The following SIPA1L3 variants were observed in gnomAD, a reference collection of about 807,000 sequenced individuals.
SIPA1L3 encodes the protein signal induced proliferation associated 1 like 3.
SIPA1L3 carries 59 observed loss-of-function variants against 150.1 expected under a neutral mutation model. That is an observed-to-expected ratio of 0.39 (90% CI 0.32 to 0.49). The LOEUF (loss-of-function observed/expected upper bound fraction) is 0.49, where lower values mean the gene tolerates loss of function less well. Ranked by LOEUF, SIPA1L3 falls within the 20% of genes least tolerant of loss-of-function variation. SIPA1L3 has a pLI of 0.86. For synonymous variants in SIPA1L3, 1,070 were observed against 1,077.6 expected (o/e 0.99, Z 0.14); for missense variants, 2,211 against 2,489.5 (o/e 0.89, Z 2.38).
At chr19:38,092,852 ATTTT>A (rs56232582) in intron 4 of SIPA1L3, among the ~76,000 whole-genome samples, 3 of 115,946 alleles carry the variant, frequency 2.6e-5, no homozygotes, top group Admixed American at 2.0e-4. Context: ...AGGTGCTTAG[ATTTT>A]TTTTTTTTTT....
At chr19:37,989,613 G>A (rs1896189482) in intron 1 of SIPA1L3, among the ~76,000 whole-genome samples, 1 of 151,126 alleles carries the variant, frequency 6.6e-6, no homozygotes, top group African/African-American at 2.4e-5. Context: ...GTCTCCCTCT[G>A]AATAGGGAAA....
At chr19:38,139,340 G>T (rs549115383) in intron 10 of SIPA1L3, among the ~76,000 whole-genome samples, 1 of 152,288 alleles carries the variant, frequency 6.6e-6, no homozygotes, top group African/African-American at 2.4e-5. Context: ...AATACCTGGA[G>T]CCAGGAAGTG....
chr19:38,136,018 C>T (rs1971426722), intron 10 of SIPA1L3, among the ~76,000 whole-genome samples: 1 of 151,762 alleles, frequency 6.6e-6, no homozygotes, highest in Non-Finnish European at 1.5e-5. Flanking sequence ...CTCCTACCCC[C>T]AGGCCACAAG....
intron 2 of SIPA1L3, among the ~76,000 whole-genome samples, chr19:38,072,593 G>A (rs571494486): frequency 3.7e-4 from 56 of 152,228 alleles, no homozygotes; most frequent in Non-Finnish European, 7.2e-4. Flanking sequence ...AGGGAAAAGC[G>A]CAGCCTTCAG....
chr19:37,983,963 C>T (rs1472171183), intron 1 of SIPA1L3, among the ~76,000 whole-genome samples: 1 of 151,750 alleles, frequency 6.6e-6, no homozygotes, highest in Non-Finnish European at 1.5e-5. Flanking sequence ...TAACTGTAAC[C>T]CTGATCAGTA....
chr19:37,981,294 C>T lies in SIPA1L3; in HGVS notation c.-378-47795C>T, dbSNP rs1422322337. 2.0e-5 allele frequency among the ~76,000 whole-genome samples: 3 copies of T among 152,064 alleles called. No homozygotes were observed. In the East Asian group the frequency reaches 5.8e-4, roughly 29 times the overall value. On this transcript the variant is annotated intron_variant, in intron 1 of 21. Transcript: ENST00000222345. ...ACAAAAAATGAGCCAGGTGGTGGCACGTGACTGTAGTCTCAGCTACTCAGG... is the reference window on the plus strand; with the variant it reads ...ACAAAAAATGAGCCAGGTGGTGGCATGTGACTGTAGTCTCAGCTACTCAGG...
chr19:37,962,530 A>G (rs2145576185), intron 1 of SIPA1L3, among the ~76,000 whole-genome samples: 1 of 135,354 alleles, frequency 7.4e-6, no homozygotes, highest in Non-Finnish European at 1.5e-5. Context: ...GTGCAGTGGC[A>G]GGATCATGGC....
chr19:38,031,858 G>A (rs576623033), intron 2 of SIPA1L3, among the ~76,000 whole-genome samples: 4 of 152,346 alleles, frequency 2.6e-5, no homozygotes, highest in Admixed American at 6.5e-5. Flanking sequence ...GTTGAGGCAG[G>A]AGGATCGCTT....
intron 2 of SIPA1L3, among the ~76,000 whole-genome samples, chr19:38,073,504 G>C (rs1261174118): frequency 6.6e-6 from 1 of 152,160 alleles, no homozygotes; most frequent in Non-Finnish European, 1.5e-5. Flanking sequence ...CTGTCTCCCA[G>C]GCTGCCCTAG....
intron 2 of SIPA1L3, among the ~76,000 whole-genome samples, chr19:38,037,362 C>T (rs560514862): frequency 1.3e-5 from 2 of 152,104 alleles, no homozygotes; most frequent in Admixed American, 6.6e-5. Flanking sequence ...GGAGAGAGTC[C>T]CTGGTAGAGG....
chr19:38,078,858 C>T (rs1042127691), intron 2 of SIPA1L3, among the ~76,000 whole-genome samples: 3 of 152,184 alleles, frequency 2.0e-5, no homozygotes, highest in Non-Finnish European at 2.9e-5. Flanking sequence ...TTTCCCCTTC[C>T]TCTCCAGCAG....
intron 1 of SIPA1L3, among the ~76,000 whole-genome samples, chr19:37,978,573 C>T (rs530920056): frequency 6.6e-6 from 1 of 152,334 alleles, no homozygotes; most frequent in Non-Finnish European, 1.5e-5. Context: ...TGGTCTCTTG[C>T]TCCAAAGCTT....
chr19:38,175,264 G>A (rs1436915009), intron 15 of SIPA1L3, among the ~76,000 whole-genome samples: 1 of 152,030 alleles, frequency 6.6e-6, no homozygotes, highest in Non-Finnish European at 1.5e-5. Context: ...GGTCAGCACT[G>A]TCACTGCCAC....
chr19:37,954,027 A>C (rs1406983214), intron 1 of SIPA1L3, among the ~76,000 whole-genome samples: 1 of 152,206 alleles, frequency 6.6e-6, no homozygotes, highest in Non-Finnish European at 1.5e-5. Context: ...GGGAGAAGAA[A>C]ATAGTACACA....
At chr19:37,959,313 A>T (rs1420467447) in intron 1 of SIPA1L3, among the ~76,000 whole-genome samples, 1 of 152,250 alleles carries the variant, frequency 6.6e-6, no homozygotes, top group Non-Finnish European at 1.5e-5. Flanking sequence ...AATGCGATAT[A>T]GACCCACAAT....
intron 21 of SIPA1L3, among the ~76,000 whole-genome samples, chr19:38,205,089 A>G (rs1390184538): frequency 6.6e-6 from 1 of 152,174 alleles, no homozygotes; most frequent in East Asian, 1.9e-4. Context: ...TTATTTATTT[A>G]TTGTTTAACC....
intron 3 of SIPA1L3, among the ~76,000 whole-genome samples, chr19:38,088,236 G>A (rs1440502491): frequency 6.6e-6 from 1 of 152,226 alleles, no homozygotes; most frequent in African/African-American, 2.4e-5. Flanking sequence ...CTTGGCTGGG[G>A]CCAGACATCT....
Position 38,106,440 on chromosome 19 carries a change from AAAGCACC to A in SIPA1L3, c.2030-93_2030-87del, listed in dbSNP as rs748507161. 7.3e-6 allele frequency: 6 copies of A among 822,570 alleles called. No individual in the cohort carries two copies. In the South Asian group the frequency reaches 8.0e-5, roughly 11 times the overall value. The allele number at this position is 822,570 out of a possible 1,614,324, so 51.0% of individuals were successfully genotyped here. ...TAATTTTTAAGAGTAGATTGAAGTG[AAAGCACC>A]AAGTTAAAAACCAGCACAGATGGTA... is the stretch of plus-strand genomic sequence containing the variant. On this transcript the variant is annotated intron_variant, in intron 6 of 21. Transcript: ENST00000222345.
intron 9 of SIPA1L3, among the ~76,000 whole-genome samples, chr19:38,122,860 G>A (rs966749575): frequency 5.9e-5 from 9 of 152,108 alleles, no homozygotes; most frequent in African/African-American, 1.9e-4. Context: ...GTCACATGTC[G>A]CCTTGTCGGT....
Sources: gnomAD v4.1 joint callset for allele counts (sites outside exome capture counted in the v4.1 genomes callset) on GRCh38, gnomAD v4.1.1 for gene constraint, MANE v1.5 for transcripts, NCBI Gene and HGNC (gene_info 2026-07-23, HGNC 2026-07-21) for gene names.